Variants in SLC47A2 observed in about 807,000 individuals in gnomAD.
The protein encoded by SLC47A2 is solute carrier family 47 member 2.
Under a neutral mutation model 67.7 loss-of-function variants are expected in SLC47A2, and 52 were observed. That is an observed-to-expected ratio of 0.77 (90% confidence interval 0.61 to 0.97). SLC47A2 has a LOEUF of 0.97. Among genes scored for constraint, SLC47A2 ranks in the 50% least tolerant of loss-of-function variants. SLC47A2 has a pLI of 0.00. For missense variants in SLC47A2, 676 were observed against 712.3 expected, an observed-to-expected ratio of 0.95 and a Z score of 0.58; for synonymous variants, 278 against 292.9, an observed-to-expected ratio of 0.95 and a Z score of 0.52.
chr17:19,717,729 T>C (rs1283979347), upstream of SLC47A2: 4 of 146,036 alleles, frequency 2.7e-5, no homozygotes, highest in Admixed American at 6.8e-5. Context: ...AAAAAAAGGG[T>C]TTGCTACACC....
intron 16 of SLC47A2, among the ~76,000 whole-genome samples, chr17:19,679,176 G>A (rs2085256199): frequency 6.6e-6 from 1 of 152,190 alleles, no homozygotes; most frequent in Non-Finnish European, 1.5e-5. Flanking sequence ...GTCAACGCTT[G>A]GCCCTGTGAT....
At chr17:19,693,916 CACAA>C (rs1475658521) in intron 13 of SLC47A2, among the ~76,000 whole-genome samples, 1 of 152,106 alleles carries the variant, frequency 6.6e-6, no homozygotes, top group Non-Finnish European at 1.5e-5. Flanking sequence ...AGCTCAGACA[CACAA>C]ACTATTAGAA....
chr17:19,701,004 C>T (rs1226822300), intron 13 of SLC47A2, among the ~76,000 whole-genome samples: 1 of 150,006 alleles, frequency 6.7e-6, no homozygotes, highest in Non-Finnish European at 1.5e-5. Context: ...CCTGTCTCTA[C>T]TAAAAATACA....
In SLC47A2 at chr17:19,706,562, T is replaced by C. The variant is rs147704067; in HGVS notation, c.841+86A>G. The C allele has an allele frequency of 2.4e-4, 276 of 1,137,032 alleles. No individual in the cohort carries two copies. In the African/African-American group the frequency reaches 4.1e-3, roughly 17 times the overall value. The allele number at this position is 1,137,032 out of a possible 1,614,324, so 70.4% of individuals were successfully genotyped here. A position where few individuals can be genotyped will look rare whatever the true frequency, so the allele number is the denominator to read the frequency against. On this transcript the variant is annotated intron_variant, in intron 9 of 16. Coordinates refer to ENST00000433844, the MANE Select transcript of SLC47A2 (RefSeq NM_001099646.3). ...CATCCTGGGGAGGGGGCTTCTGGGA[T>C]GGGTGAGCCGCCATCCTGGGGAGGG...
intron 13 of SLC47A2, among the ~76,000 whole-genome samples, chr17:19,694,378 A>T (rs1190762448): frequency 6.6e-6 from 1 of 152,248 alleles, no homozygotes; most frequent in Non-Finnish European, 1.5e-5. Flanking sequence ...AACTCCCTGT[A>T]AAGCTACAGT....
At chr17:19,716,765 T>A, upstream of SLC47A2, 1 of 680,364 alleles carries the variant, frequency 1.5e-6, no homozygotes, top group Non-Finnish European at 2.3e-6. Flanking sequence ...CCTCAGCCAC[T>A]AGGGAGGACA....
At chr17:19,701,295 T>G (rs1208639398) in intron 13 of SLC47A2, among the ~76,000 whole-genome samples, 1 of 152,074 alleles carries the variant, frequency 6.6e-6, no homozygotes, top group African/African-American at 2.4e-5. Flanking sequence ...AGAGAGGGAA[T>G]TTCTGCTGAG....
chr17:19,678,874 T>A lies in SLC47A2; in HGVS notation c.1513A>T (p.Thr505Ser). ...TGGCACTCAGACCTTGAATACGTTG[T>A]CAAGGTAATGCCAGGGGAACTGCCT... Reference protein sequence around the residue: ...ATGSSPGITLTTYSRSECHVD... With the variant: ...ATGSSPGITLSTYSRSECHVD... Residue 505 changes from threonine to serine, a missense_variant, in exon 17 of 17, where the codon ACA (threonine) becomes TCA (serine). Thr to Ser is a moderately conservative substitution (Grantham distance 58, BLOSUM62 1). Transcript: ENST00000433844. 1 of 1,595,020 alleles carries A rather than the reference T, an allele frequency of 6.3e-7. No individual in the cohort carries two copies. The highest frequency in any genetic ancestry group is 1.8e-5 in the Admixed American group (1 of 57,036).
chr17:19,682,722 G>A (rs978096117), intron 13 of SLC47A2, among the ~76,000 whole-genome samples: 4 of 152,184 alleles, frequency 2.6e-5, no homozygotes, highest in African/African-American at 4.8e-5. Context: ...TGATGTGGAC[G>A]TTGAAACTTG....
Position 19,678,562 on chromosome 17 carries a change from T to G in SLC47A2, c.*124A>C. The G allele has an allele frequency of 1.0e-6, 1 of 994,802 alleles. No individual in the cohort carries two copies. Among genetic ancestry groups the G allele is most frequent in the Non-Finnish European group, 1.5e-6 (1 of 662,786 alleles). The allele number at this position is 994,802 out of a possible 1,614,324, so 61.6% of individuals were successfully genotyped here. ...CACAAGGAATCAGCCAAAGTTCTTTTTTTGAGGAGTGGTTCAAAGTGTCCA... is the reference window on the plus strand; with the variant it reads ...CACAAGGAATCAGCCAAAGTTCTTTGTTTGAGGAGTGGTTCAAAGTGTCCA... On this transcript the variant is annotated 3_prime_UTR_variant, in exon 17 of 17. Coordinates refer to ENST00000433844, the MANE Select transcript of SLC47A2 (RefSeq NM_001099646.3).
rs778596221 is a variant in SLC47A2 at position 19,681,576 on chromosome 17, C to T, written c.1259G>A (p.Gly420Asp). Residue 420 changes from glycine to aspartate, a missense_variant, in exon 14 of 17, where the codon GGC (glycine) becomes GAC (aspartate). Transcript: ENST00000433844. ...ITYYIIGLPL[G>D]ILLTFVVRMR... Reference sequence around the variant, plus strand: ...TCTGACCACAAAGGTCAGAAGGATGCCCAGTGGTAGGCCGATGATGTAATA... The same window carrying T: ...TCTGACCACAAAGGTCAGAAGGATGTCCAGTGGTAGGCCGATGATGTAATA... The T allele has an allele frequency of 2.5e-6, 4 of 1,614,054 alleles. No homozygotes were observed. The highest frequency in any genetic ancestry group is 1.7e-5 in the Admixed American group (1 of 59,998).
chr17:19,695,515 C>CAAAA, intron 13 of SLC47A2, among the ~76,000 whole-genome samples: 1 of 91,402 alleles, frequency 1.1e-5, no homozygotes, highest in Non-Finnish European at 2.3e-5. Flanking sequence ...AAAAAAACAG[C>CAAAA]AAAAAAAAAA....
Position 19,702,531 on chromosome 17 carries a change from C to CGAG in SLC47A2, c.1164+71_1164+73dup. On this transcript the variant is annotated intron_variant, in intron 13 of 16. Transcript: ENST00000433844. ...TAACAAGTTCATCCTCACAGCCCTG[C>CGAG]GAGGTCCTGGGGAGGGCACAAGTAC... The CGAG allele has an allele frequency of 2.5e-6, 4 of 1,586,790 alleles. No homozygotes were observed. The South Asian group carries it at 4.6e-5, about 18-fold the overall frequency.
At position 19,711,213 on chromosome 17, in the gene SLC47A2, C is replaced by G. The variant is rs548970522; in HGVS notation, c.486+1490G>C. ...ATATTATTTAATAAGAAGTACAATA[C>G]TTAGAAAAAGATTAACCCACTAAAA... On this transcript the variant is annotated intron_variant, in intron 5 of 16. Transcript: ENST00000433844. Among the ~76,000 whole-genome samples, 38 of 152,234 alleles carry G rather than the reference C, an allele frequency of 2.5e-4. No homozygotes were observed. The South Asian group carries it at 7.9e-3, about 32-fold the overall frequency.
intron 3 of SLC47A2, 58 bp from the exon 4 acceptor site, chr17:19,714,031 C>T: frequency 5.8e-6 from 9 of 1,561,478 alleles, no homozygotes; most frequent in Non-Finnish European, 7.8e-6. Context: ...TTCCTAAATC[C>T]CGCGCGGGGA....
At chr17:19,680,699 G>T (rs574760846) in intron 15 of SLC47A2, among the ~76,000 whole-genome samples, 14 of 152,232 alleles carry the variant, frequency 9.2e-5, no homozygotes, top group African/African-American at 3.4e-4. Context: ...CAAAGAGGAT[G>T]GTGGGCAGGG....
At chr17:19,699,578 A>G (rs1273454752) in intron 13 of SLC47A2, among the ~76,000 whole-genome samples, 1 of 150,684 alleles carries the variant, frequency 6.6e-6, no homozygotes, top group Non-Finnish European at 1.5e-5. Flanking sequence ...ATTTTTAAAA[A>G]CTTTTGTAGA....
intron 6 of SLC47A2, 65 bp downstream of exon 6, chr17:19,708,651 C>A: frequency 1.2e-6 from 2 of 1,606,226 alleles, no homozygotes; most frequent in Non-Finnish European, 1.7e-6. Context: ...GCCCCAGGCC[C>A]CCCTCCCACT....
At chr17:19,713,727 G>A (rs2086166717) in intron 4 of SLC47A2, 98 bp downstream of exon 4, 1 of 1,506,624 alleles carries the variant, frequency 6.6e-7, no homozygotes, top group South Asian at 1.3e-5. Flanking sequence ...TCGTGGCCTA[G>A]AGAAGCATGG....
Sources: gnomAD v4.1 joint callset for allele counts (sites outside exome capture counted in the v4.1 genomes callset) on GRCh38, gnomAD v4.1.1 for gene constraint, MANE v1.5 for transcripts, NCBI Gene and HGNC (gene_info 2026-07-23, HGNC 2026-07-21) for gene names.